Variants in LY75 observed in about 807,000 individuals in gnomAD.
LY75 encodes lymphocyte antigen 75.
In LY75, 185 loss-of-function variants were observed where a neutral mutation model predicts 231.7. The ratio of observed to expected loss-of-function variants is 0.80; its 90% confidence interval spans 0.71 to 0.90. The LOEUF (loss-of-function observed/expected upper bound fraction) is 0.90. Ranked by LOEUF, LY75 falls within the 40% of genes least tolerant of loss-of-function variation. LY75 has a pLI of 0.00. For missense variants in LY75, 1,947 were observed against 2,050.2 expected, an observed-to-expected ratio of 0.95 and a Z score of 0.97; for synonymous variants, 668 against 689.0, an observed-to-expected ratio of 0.97 and a Z score of 0.48.
intron 1 of LY75, among the ~76,000 whole-genome samples, chr2:159,900,862 G>A (rs931641693): frequency 1.3e-5 from 2 of 151,468 alleles, no homozygotes; most frequent in Admixed American, 1.3e-4. Context: ...TTTTTGAGAT[G>A]GAGTCTTGCT....
intron 28 of LY75, among the ~76,000 whole-genome samples, chr2:159,825,402 A>C (rs1204590079): frequency 6.6e-6 from 1 of 152,236 alleles, no homozygotes; most frequent in Non-Finnish European, 1.5e-5. Context: ...CCCAAGTCTA[A>C]ACCAGGAAGA....
intron 7 of LY75, 106 bp from the exon 8 acceptor site, chr2:159,881,346 T>TGTA (rs3835165): frequency 0.26 from 325,959 of 1,267,010 alleles, 47,573 homozygotes; most frequent in South Asian, 0.5. Flanking sequence ...TAAGAGCCTT[T>TGTA]GTAGTATTCT....
chr2:159,859,974 T>A (rs1468085690), intron 15 of LY75, among the ~76,000 whole-genome samples: 1 of 152,226 alleles, frequency 6.6e-6, no homozygotes, highest in Non-Finnish European at 1.5e-5. Flanking sequence ...ATTTCGCATG[T>A]CATAGTCTTT....
At chr2:159,847,043 G>A (rs941882330) in intron 23 of LY75, among the ~76,000 whole-genome samples, 3 of 151,666 alleles carry the variant, frequency 2.0e-5, no homozygotes, top group Non-Finnish European at 4.4e-5. Context: ...ATGGAATCTC[G>A]CTCTGTCGCC....
intron 31 of LY75, among the ~76,000 whole-genome samples, chr2:159,814,680 TAAGAAAAGAAAA>T (rs956867161): frequency 8.2e-5 from 11 of 133,560 alleles, no homozygotes; most frequent in East Asian, 2.3e-4. Flanking sequence ...AAAGAAAAGA[TAAGAAAAGAAAA>T]AAGAAAAGAA....
At chr2:159,904,535 A>T in intron 1 of LY75, 54 bp downstream of exon 1, 2 of 1,482,006 alleles carry the variant, frequency 1.3e-6, no homozygotes. Flanking sequence ...AAGGCAGCAG[A>T]GCTGTGGCGT....
rs182688463 is a variant in LY75 at position 159,842,782 on chromosome 2, A to G, written c.3151-408T>C. Among the ~76,000 whole-genome samples, 281 of 152,278 alleles carry G rather than the reference A, an allele frequency of 1.8e-3. 2 individuals carry two copies. The highest frequency in any genetic ancestry group is 6.8e-3 in the Middle Eastern group (2 of 294). On this transcript the variant is annotated intron_variant, in intron 23 of 34. Coordinates refer to ENST00000263636, the MANE Select transcript of LY75 (RefSeq NM_002349.4). ...AAGCTCTGATCCTATACTAGTCACT[A>G]TAAAAATCTCCATATATTAAAACAG...
intron 1 of LY75, 86 bp downstream of exon 1, chr2:159,904,503 G>T (rs538446580): frequency 2.9e-5 from 40 of 1,372,342 alleles, no homozygotes; most frequent in Non-Finnish European, 3.5e-5. Context: ...TGCCCCAGGG[G>T]CGCAGCCCTG....
At chr2:159,874,324 G>T (rs2125869875) in intron 12 of LY75, among the ~76,000 whole-genome samples, 6 of 69,462 alleles carry the variant, frequency 8.6e-5, no homozygotes, top group Admixed American at 3.3e-4. Flanking sequence ...TATATGTTTT[G>T]TAAATCTATA....
chr2:159,811,014 C>A (rs981603095), intron 31 of LY75, among the ~76,000 whole-genome samples: 2 of 152,004 alleles, frequency 1.3e-5, no homozygotes, highest in African/African-American at 2.4e-5. Flanking sequence ...AAAATTATTT[C>A]TTTCTTTGGA....
In LY75 at chr2:159,878,438, T is replaced by C; in HGVS notation, c.1660A>G (p.Lys554Glu). The C allele has an allele frequency of 1.2e-6, 2 of 1,614,132 alleles. No individual in the cohort carries two copies. Among genetic ancestry groups the C allele is most frequent in the Non-Finnish European group, 1.7e-6 (2 of 1,180,006 alleles). ...LMKKYDKSLR[K>E]YFWTGLRDVD... ...TCTCTCAGGCCAGTCCAGAAGTATT[T>C]TCTTAGAGATTTATCATACTTTTTC... The change falls in exon 11 of 35, where the codon AAA (lysine) becomes GAA (glutamate). Residue 554 changes from lysine (K) to glutamate (E), a missense_variant. Coordinates refer to ENST00000263636, the MANE Select transcript of LY75 (RefSeq NM_002349.4).
intron 26 of LY75, 36 bp downstream of exon 26, chr2:159,835,441 TTAA>T: frequency 6.4e-7 from 1 of 1,555,270 alleles, no homozygotes; most frequent in Non-Finnish European, 8.7e-7. Flanking sequence ...TATGGGACTG[TTAA>T]TAATTTAAGA....
intron 4 of LY75, among the ~76,000 whole-genome samples, chr2:159,889,366 C>G (rs1685684747): frequency 6.6e-6 from 1 of 152,114 alleles, no homozygotes; most frequent in Non-Finnish European, 1.5e-5. Flanking sequence ...GCAGCTGGGA[C>G]TACAGGCACA....
chr2:159,865,787 G>C (rs1182007631), intron 13 of LY75, among the ~76,000 whole-genome samples: 1 of 152,068 alleles, frequency 6.6e-6, no homozygotes, highest in Non-Finnish European at 1.5e-5. Flanking sequence ...ATTCAGATTG[G>C]CCAAGAGGAA....
At chr2:159,826,720 C>T (rs187304006) in intron 28 of LY75, among the ~76,000 whole-genome samples, 70 of 152,270 alleles carry the variant, frequency 4.6e-4, no homozygotes, top group African/African-American at 1.6e-3. Context: ...TATGAGGCTA[C>T]AGTAACCAAA....
intron 19 of LY75, 74 bp downstream of exon 19, chr2:159,853,556 A>C: frequency 6.3e-7 from 1 of 1,597,394 alleles, no homozygotes; most frequent in South Asian, 1.1e-5. Context: ...TTATAAATAG[A>C]AATCCATTTA....
At chr2:159,850,166 C>A in intron 22 of LY75, 26 bp from the exon 23 acceptor site, 1 of 1,584,186 alleles carries the variant, frequency 6.3e-7, no homozygotes, top group Non-Finnish European at 8.5e-7. Context: ...TTTTAAAAAG[C>A]ATTTGATTTA....
chr2:159,900,953 C>T (rs1394560541), intron 1 of LY75, among the ~76,000 whole-genome samples: 3 of 152,038 alleles, frequency 2.0e-5, no homozygotes, highest in Non-Finnish European at 4.4e-5. Flanking sequence ...ATTCTCATGC[C>T]CCAGCCTCCC....
intron 11 of LY75, among the ~76,000 whole-genome samples, chr2:159,876,640 G>A (rs961471541): frequency 6.6e-6 from 1 of 152,004 alleles, no homozygotes; most frequent in African/African-American, 2.4e-5. Context: ...AGTCATGGTA[G>A]CTACTTCCCA....
Sources: gnomAD v4.1 joint callset for allele counts (sites outside exome capture counted in the v4.1 genomes callset) on GRCh38, gnomAD v4.1.1 for gene constraint, MANE v1.5 for transcripts, NCBI Gene and HGNC (gene_info 2026-07-23, HGNC 2026-07-21) for gene names.